LIMCH1: variants seen among roughly 807,000 people sequenced by gnomAD.
The protein encoded by LIMCH1 is LIM and calponin homology domains 1, also known as LIM and calponin homology domains-containing protein 1.
A neutral mutation model predicts 176.5 loss-of-function variants in LIMCH1; 113 were observed. The observed-to-expected ratio is 0.64, with a 90% CI of 0.55 to 0.75. The LOEUF (loss-of-function observed/expected upper bound fraction) is 0.75, where lower values mean the gene tolerates loss of function less well. Among genes scored for constraint, LIMCH1 ranks in the 30% least tolerant of loss-of-function variants. The pLI is 0.00. For missense variants in LIMCH1, 1,674 were observed against 1,814.9 expected (o/e 0.92, Z 1.41); for synonymous variants, 619 against 645.9 (o/e 0.96, Z 0.63).
chr4:41,360,895 C>A lies in LIMCH1; in HGVS notation c.55C>A (p.Pro19Thr), dbSNP rs771906793. The A allele has an allele frequency of 1.9e-6, 3 of 1,587,992 alleles. No individual in the cohort carries two copies. Among genetic ancestry groups the A allele is most frequent in the Non-Finnish European group, 1.7e-6 (2 of 1,170,416 alleles). ...TCTTCAGCCCCTGCAGCCCGAGCCG[C>A]CCCCCGAGCCCGCCTTCTCCGAGGC... Residue 19 changes from proline (P) to threonine (T), a missense_variant, in exon 1 of 27, where the codon CCC becomes ACC. Physicochemically the swap from Pro to Thr is conservative, Grantham distance 38 (BLOSUM62 -1). Transcript: ENST00000313860. The surrounding 1 kb of genome is among the most constrained non-coding windows in gnomAD (Gnocchi z 4.5).
intron 1 of LIMCH1, among the ~76,000 whole-genome samples, chr4:41,589,008 T>C (rs1309538152): frequency 2.0e-5 from 3 of 152,184 alleles, no homozygotes; most frequent in Admixed American, 6.5e-5. Flanking sequence ...TCTGCATTAT[T>C]TCCTCCTCCT....
At chr4:41,493,309 C>T (rs993706524) in intron 1 of LIMCH1, among the ~76,000 whole-genome samples, 1 of 151,574 alleles carries the variant, frequency 6.6e-6, no homozygotes, top group South Asian at 2.1e-4. Context: ...TTTTTATGAT[C>T]AATTTTATCT....
At chr4:41,513,030 G>A (rs1005113413) in intron 2 of LIMCH1, among the ~76,000 whole-genome samples, 3 of 152,130 alleles carry the variant, frequency 2.0e-5, no homozygotes, top group African/African-American at 7.2e-5. Flanking sequence ...TGATGTGCTA[G>A]TATCATATTG....
At chr4:41,375,096 G>A (rs2054535878) in intron 1 of LIMCH1, among the ~76,000 whole-genome samples, 1 of 152,050 alleles carries the variant, frequency 6.6e-6, no homozygotes, top group South Asian at 2.1e-4. Context: ...TGCCAAAGAG[G>A]CTACCACCAA....
intron 8 of LIMCH1, among the ~76,000 whole-genome samples, chr4:41,628,780 T>C (rs1185451938): frequency 6.6e-6 from 1 of 152,148 alleles, no homozygotes; most frequent in Non-Finnish European, 1.5e-5. Context: ...CAATGGAAAA[T>C]ATCAGTTTTA....
intron 21 of LIMCH1, 142 bp from the exon 22 acceptor site, chr4:41,671,412 A>ACACG (rs1182982174): frequency 1.8e-5 from 9 of 492,704 alleles, no homozygotes; most frequent in Non-Finnish European, 3.2e-5. Flanking sequence ...ACACACACAC[A>ACACG]CACACACACA....
chr4:41,598,941 A>G lies in LIMCH1; in HGVS notation c.-219A>G. 1 of 1,607,508 alleles carries G rather than the reference A, an allele frequency of 6.2e-7. No individual in the cohort carries two copies. Among genetic ancestry groups the G allele is most frequent in the Non-Finnish European group, 8.5e-7 (1 of 1,174,456 alleles). On this transcript the variant is annotated 5_prime_UTR_variant, in exon 2 of 32. It removes the in-frame stop codon of an upstream open reading frame in the 5' UTR. Transcript: ENST00000503057. ...CTAGGACAATATTATCTTATTCTTG[A>G]GAGGTTGTAAAGAGCTCGGCCTTAA...
At chr4:41,361,683 G>C (rs1016922369) in intron 1 of LIMCH1, among the ~76,000 whole-genome samples, 1 of 152,216 alleles carries the variant, frequency 6.6e-6, no homozygotes, top group Admixed American at 6.5e-5. Context: ...AATCACTGGA[G>C]CTCTCGGCTC....
intron 22 of LIMCH1, among the ~76,000 whole-genome samples, chr4:41,671,834 G>A (rs1311950525): frequency 7.4e-6 from 1 of 134,530 alleles, no homozygotes; most frequent in African/African-American, 2.8e-5. Context: ...TGGTGGCACC[G>A]AGATCGTGTC....
intron 1 of LIMCH1, among the ~76,000 whole-genome samples, chr4:41,565,746 T>G (rs1051019063): frequency 3.3e-5 from 5 of 152,186 alleles, no homozygotes; most frequent in Admixed American, 3.3e-4. Context: ...GCACTGGAGT[T>G]GTGATGTATG....
rs1371429782 is a variant in LIMCH1, at chr4:41,631,436, C to T, written c.1560C>T (p.Ser520=). 6.6e-7 allele frequency: 1 copy of T among 1,525,522 alleles called. No individual in the cohort carries two copies. 94.5% of individuals were successfully genotyped at this position (1,525,522 alleles called of 1,614,324 possible). Residue 520 remains serine, a synonymous_variant, in exon 10 of 32, where the codon AGC becomes AGT. Coordinates refer to ENST00000503057, the MANE Select transcript of LIMCH1 (RefSeq NM_001330672.2). Reference sequence around the variant, plus strand: ...CTCCTGTCTCAGCGGCCACTTCCAGCTTAAAGGGCCACCAAATATTTAATC... The same window carrying T: ...CTCCTGTCTCAGCGGCCACTTCCAGTTTAAAGGGCCACCAAATATTTAATC... The part of the protein sequence containing the change: ...SVSPVSAATS[S]LKGHQIFNRQ...
intron 1 of LIMCH1, among the ~76,000 whole-genome samples, chr4:41,475,966 T>C (rs1027763079): frequency 1.3e-5 from 2 of 152,192 alleles, no homozygotes; most frequent in African/African-American, 4.8e-5. Flanking sequence ...AATAACACAA[T>C]TGCCTCTTAT....
At chr4:41,612,282 C>T in intron 4 of LIMCH1, 1 of 398,460 alleles carries the variant, frequency 2.5e-6, no homozygotes, top group Non-Finnish European at 4.5e-6. Flanking sequence ...GGCATTGGCT[C>T]CCGTGGGCAT....
At position 41,527,691 on chromosome 4, in the gene LIMCH1, T is replaced by C. The variant is rs535429680; in HGVS notation, c.237+3213T>C. Among the ~76,000 whole-genome samples the C allele has an allele frequency of 7.2e-4, 109 of 152,040 alleles. No individual in the cohort carries two copies. In the Middle Eastern group the frequency reaches 0.017, roughly 24 times the overall value. On this transcript the variant is annotated intron_variant, in intron 3 of 26. Transcript: ENST00000313860. ...ACAAAAAATTAGCCAGGCGCGGTGG[T>C]GGGCGCCTGTAGTCCCAGCTACTCA...
At chr4:41,597,720 T>C (rs560085112) in intron 1 of LIMCH1, among the ~76,000 whole-genome samples, 2 of 152,316 alleles carry the variant, frequency 1.3e-5, no homozygotes, top group East Asian at 3.9e-4. Flanking sequence ...GTTTCCCTGA[T>C]TAGGTCAGGC....
Position 41,632,776 on chromosome 4 carries a change from T to C in LIMCH1, c.1629T>C (p.Tyr543=), listed in dbSNP as rs937706541. ...CAATGAATTGTGGCCGAGGTGACTA[T>C]TGCAGAAGGGCCTCGTGGCTGGCTC... ...CRTMNCGRGD[Y]CRRASWLAPV... The change falls in exon 11 of 32, where the codon TAT becomes TAC. Residue 543 remains tyrosine, a synonymous_variant. Coordinates refer to ENST00000503057, the MANE Select transcript of LIMCH1 (RefSeq NM_001330672.2). 1.2e-5 allele frequency: 18 copies of C among 1,536,188 alleles called. No individual in the cohort carries two copies. Among genetic ancestry groups the C allele is most frequent in the Non-Finnish European group, 1.5e-5 (17 of 1,146,934 alleles).
intron 1 of LIMCH1, among the ~76,000 whole-genome samples, chr4:41,550,771 A>C (rs2080287972): frequency 6.6e-6 from 1 of 152,158 alleles, no homozygotes; most frequent in South Asian, 2.1e-4. Flanking sequence ...ATTAATTGGT[A>C]CTCCTTCTTA....
Position 41,631,289 on chromosome 4 carries a change from T to G in LIMCH1, c.1413T>G (p.Phe471Leu), listed in dbSNP as rs563408117. 532 of 1,536,080 alleles carry G rather than the reference T, an allele frequency of 3.5e-4. 4 individuals carry two copies. In the South Asian group the frequency reaches 6.0e-3, roughly 17 times the overall value. The change falls in exon 10 of 32, where the codon TTT (phenylalanine) becomes TTG (leucine). Residue 471 changes from phenylalanine to leucine, a missense_variant. Coordinates refer to ENST00000503057, the MANE Select transcript of LIMCH1 (RefSeq NM_001330672.2). ...GCCCCAGGCAAAAGTTTGTGCACTT[T>G]GGGCCAGTGACGGAGCTAGATCAGC... ...ASSPRQKFVH[F>L]GPVTELDQQK...
intron 4 of LIMCH1, among the ~76,000 whole-genome samples, chr4:41,606,432 G>A (rs760086808): frequency 2.0e-5 from 3 of 152,162 alleles, no homozygotes; most frequent in Non-Finnish European, 2.9e-5. Context: ...GTGAGGTAAC[G>A]TGAACCAAGC....
Sources: gnomAD v4.1 joint callset for allele counts (sites outside exome capture counted in the v4.1 genomes callset) on GRCh38, gnomAD v4.1.1 for gene constraint, Gnocchi (gnomAD v3.1) non-coding constraint, MANE v1.5 for transcripts, NCBI Gene and HGNC (gene_info 2026-07-23, HGNC 2026-07-21) for gene names.